PDZD2: variants seen among roughly 807,000 people sequenced by gnomAD.
PDZD2 encodes PDZ domain containing 2, also known as PDZ domain-containing protein 2.
In PDZD2, 90 loss-of-function variants were observed where a neutral mutation model predicts 220.7. The observed-to-expected ratio is 0.41, with a 90% CI of 0.34 to 0.49. PDZD2 has a LOEUF of 0.49. Ranked by LOEUF, PDZD2 falls within the 20% of genes least tolerant of loss-of-function variation. PDZD2 has a pLI of 0.28. For missense variants in PDZD2, 3,174 were observed against 3,608.5 expected (o/e 0.88, Z 3.08); for synonymous variants, 1,375 against 1,450.5 (o/e 0.95, Z 1.18).
rs758760825 is a variant in PDZD2 at position 32,073,888 on chromosome 5, C to G, written c.2782C>G (p.Arg928Gly). Residue 928 changes from arginine to glycine, a missense_variant, in exon 18 of 25, where the codon CGG (arginine) becomes GGG (glycine). Arg to Gly is a moderately radical substitution (Grantham distance 125). Around this residue, in one of 4 missense-constraint regions of PDZD2, gnomAD observed 1,861 missense variants for 2,001.0 expected, o/e 0.93. Coordinates refer to ENST00000438447, the MANE Select transcript of PDZD2 (RefSeq NM_178140.4). ...CAGCCTCGTGACTCTTGGGAGCCATCGGGCTTCTGGGCTCTTCCACAAGCA... is the reference window on the plus strand; with the variant it reads ...CAGCCTCGTGACTCTTGGGAGCCATGGGGCTTCTGGGCTCTTCCACAAGCA... Reference protein sequence around the residue: ...ANSLVTLGSHRASGLFHKQVT... With the variant: ...ANSLVTLGSHGASGLFHKQVT... The G allele has an allele frequency of 6.2e-7, 1 of 1,613,948 alleles. No homozygotes were observed. The highest frequency in any genetic ancestry group is 1.3e-5 in the African/African-American group (1 of 74,928).
At chr5:31,901,582 C>T (rs1274459964) in intron 2 of PDZD2, among the ~76,000 whole-genome samples, 1 of 152,124 alleles carries the variant, frequency 6.6e-6, no homozygotes, top group East Asian at 1.9e-4. Flanking sequence ...CATCTGTCCT[C>T]CTAGGAGGTT....
At chr5:32,072,790 C>G (rs535834039) in intron 17 of PDZD2, among the ~76,000 whole-genome samples, 2 of 152,282 alleles carry the variant, frequency 1.3e-5, no homozygotes, top group African/African-American at 4.8e-5. Context: ...GATACACATT[C>G]TATAGTCAGG....
chr5:31,828,328 C>T (rs1756354859), intron 2 of PDZD2, among the ~76,000 whole-genome samples: 1 of 152,238 alleles, frequency 6.6e-6, no homozygotes. Context: ...AATTTCTCCA[C>T]ATTCCTGCCA....
intron 10 of PDZD2, among the ~76,000 whole-genome samples, chr5:32,056,696 C>T (rs887006955): frequency 2.0e-5 from 3 of 152,188 alleles, no homozygotes; most frequent in South Asian, 2.1e-4. Flanking sequence ...TATTCCTGCA[C>T]ATGCCTGGCA....
intron 4 of PDZD2, among the ~76,000 whole-genome samples, chr5:31,998,793 G>A (rs1581240932): frequency 1.3e-5 from 2 of 152,222 alleles, no homozygotes; most frequent in South Asian, 4.1e-4. Context: ...ATTTGTGTTG[G>A]GCCATGTTCA....
intron 1 of PDZD2, among the ~76,000 whole-genome samples, chr5:31,722,695 T>G (rs114694599): frequency 0.051 from 7,121 of 139,404 alleles, 241 homozygotes; most frequent in Middle Eastern, 0.083. Context: ...TGTTTTTTTG[T>G]TGTTTTTTTT....
chr5:31,911,231 A>C (rs77674732), intron 2 of PDZD2, among the ~76,000 whole-genome samples: 1,894 of 152,352 alleles, frequency 0.012, 43 homozygotes, highest in African/African-American at 0.044. Flanking sequence ...GTCACTAGGC[A>C]CTGTACTAGG....
chr5:32,016,563 G>T (rs1291738614), intron 6 of PDZD2, among the ~76,000 whole-genome samples: 1 of 152,188 alleles, frequency 6.6e-6, no homozygotes, highest in East Asian at 1.9e-4. Context: ...TCTATGGGGA[G>T]CGCATGTTCT....
rs115225256 is a variant in PDZD2, at chr5:31,672,859, G to A, written c.-361+33422G>A. Among the ~76,000 whole-genome samples, 1,167 of 152,276 alleles carry A rather than the reference G, an allele frequency of 7.7e-3. 11 individuals carry two copies. Among genetic ancestry groups the A allele is most frequent in the African/African-American group, 0.027 (1,123 of 41,534 alleles). On this transcript the variant is annotated intron_variant, in intron 1 of 24. Coordinates refer to ENST00000438447, the MANE Select transcript of PDZD2 (RefSeq NM_178140.4). Reference sequence around the variant, plus strand: ...TAAGGCATATGGGGTTGGACAGAGCGGGGGCTCCCTTTACATAACACTGAA... The same window carrying A: ...TAAGGCATATGGGGTTGGACAGAGCAGGGGCTCCCTTTACATAACACTGAA...
intron 15 of PDZD2, 122 bp downstream of exon 15, chr5:32,069,772 T>C (rs1213625099): frequency 2.2e-5 from 14 of 640,118 alleles, no homozygotes; most frequent in Non-Finnish European, 3.7e-5. Context: ...CAAAAGTAGC[T>C]GTCAAAGACA....
intron 1 of PDZD2, among the ~76,000 whole-genome samples, chr5:31,778,984 C>A (rs1752887641): frequency 6.6e-6 from 1 of 151,886 alleles, no homozygotes. Flanking sequence ...ACTTTCTCCT[C>A]ACATATTATG....
chr5:31,873,849 G>T (rs1739064500), intron 2 of PDZD2, among the ~76,000 whole-genome samples: 1 of 151,858 alleles, frequency 6.6e-6, no homozygotes, highest in South Asian at 2.1e-4. Flanking sequence ...TCCTGCCTTA[G>T]CCTCCTGAGT....
intron 1 of PDZD2, among the ~76,000 whole-genome samples, chr5:31,730,637 T>C (rs1218619121): frequency 6.6e-6 from 1 of 151,430 alleles, no homozygotes; most frequent in Admixed American, 6.6e-5. Context: ...AGGAGAAATC[T>C]CTACTAGGTG....
At chr5:31,799,752 AG>A (rs758764630) in intron 2 of PDZD2, 28 bp downstream of exon 2, 1 of 1,491,738 alleles carries the variant, frequency 6.7e-7, no homozygotes, top group Non-Finnish European at 9.4e-7. Flanking sequence ...CTGCTGGCAC[AG>A]GGGCTGGACA....
chr5:31,820,062 C>A (rs140928190), intron 2 of PDZD2, among the ~76,000 whole-genome samples: 104 of 152,296 alleles, frequency 6.8e-4, no homozygotes, highest in African/African-American at 2.4e-3. Flanking sequence ...GGGATAGCTC[C>A]CAATGCGGTG....
intron 2 of PDZD2, among the ~76,000 whole-genome samples, chr5:31,814,692 C>A (rs1451174845): frequency 6.6e-6 from 1 of 151,490 alleles, no homozygotes; most frequent in Non-Finnish European, 1.5e-5. Flanking sequence ...GTGGTGGGTG[C>A]CTGTAATCCC....
intron 1 of PDZD2, chr5:31,741,764 C>G (rs148979506): frequency 1.6e-4 from 25 of 152,380 alleles, no homozygotes; most frequent in East Asian, 7.7e-4. Flanking sequence ...CCCCAACCCC[C>G]CCGTGCATAC....
At chr5:32,034,505 C>T (rs1247795660) in intron 6 of PDZD2, among the ~76,000 whole-genome samples, 2 of 151,940 alleles carry the variant, frequency 1.3e-5, no homozygotes, top group South Asian at 2.1e-4. Context: ...ATTATACAGG[C>T]ACGTGCCACT....
chr5:31,850,281 A>T (rs1757978677), intron 2 of PDZD2, among the ~76,000 whole-genome samples: 1 of 140,432 alleles, frequency 7.1e-6, no homozygotes, highest in Non-Finnish European at 1.6e-5. Flanking sequence ...CTTATCATCT[A>T]GTTAATGTCC....
Sources: gnomAD v4.1 joint callset for allele counts (sites outside exome capture counted in the v4.1 genomes callset) on GRCh38, gnomAD v4.1.1 for gene constraint, gnomAD v4.1.1 regional missense constraint, MANE v1.5 for transcripts, NCBI Gene and HGNC (gene_info 2026-07-23, HGNC 2026-07-21) for gene names.